The following TMTC2 variants were observed in gnomAD, a reference collection of about 807,000 sequenced individuals.
TMTC2 encodes the protein protein O-mannosyl-transferase TMTC2.
Under a neutral mutation model 82.4 loss-of-function variants are expected in TMTC2, and 43 were observed. The ratio of observed to expected loss-of-function variants is 0.52; its 90% CI spans 0.41 to 0.67. The LOEUF is 0.67. Ranked by LOEUF, TMTC2 falls within the 30% of genes least tolerant of loss-of-function variation. The pLI, the probability that TMTC2 is intolerant of heterozygous loss-of-function variation, is 0.00. For synonymous variants in TMTC2, 408 were observed against 381.9 expected (o/e 1.07, Z -0.80); for missense variants, 919 against 1,012.4 (o/e 0.91, Z 1.25).
At chr12:82,956,360 AG>A (rs1212014689) in intron 4 of TMTC2, among the ~76,000 whole-genome samples, 5 of 152,148 alleles carry the variant, frequency 3.3e-5, no homozygotes, top group African/African-American at 1.2e-4. Context: ...TGACACCCAC[AG>A]GCTCATAGTA....
intron 3 of TMTC2, among the ~76,000 whole-genome samples, chr12:82,900,619 T>G (rs529175568): frequency 1.2e-4 from 16 of 136,508 alleles, no homozygotes; most frequent in African/African-American, 3.1e-4. Context: ...GGAATATATA[T>G]AGAGAGGAAT....
At chr12:82,983,592 CTT>C (rs1269646667) in intron 7 of TMTC2, among the ~76,000 whole-genome samples, 6 of 151,988 alleles carry the variant, frequency 3.9e-5, no homozygotes, top group Non-Finnish European at 5.9e-5. Context: ...TCTTCACACT[CTT>C]TTTCTGTACA....
chr12:83,117,718 G>C lies in TMTC2; in HGVS notation c.2332-14492G>C, dbSNP rs578051000. Among the ~76,000 whole-genome samples the C allele has an allele frequency of 3.6e-4, 55 of 152,156 alleles. No homozygotes were observed. The South Asian group carries it at 0.011, about 32-fold the overall frequency. Reference sequence around the variant, plus strand: ...ATGATGTTGGTATTTTGATGGGGTTGCATTGAATTTGTAGATTGCTTTTGT... The same window carrying C: ...ATGATGTTGGTATTTTGATGGGGTTCCATTGAATTTGTAGATTGCTTTTGT... On this transcript the variant is annotated intron_variant, in intron 11 of 11. Coordinates refer to ENST00000321196, the MANE Select transcript of TMTC2 (RefSeq NM_152588.3).
At chr12:82,905,120 G>A (rs1283959760) in intron 3 of TMTC2, among the ~76,000 whole-genome samples, 1 of 151,702 alleles carries the variant, frequency 6.6e-6, no homozygotes, top group African/African-American at 2.4e-5. Flanking sequence ...GCCTATCTAT[G>A]AGGAACTTTT....
At chr12:82,965,438 A>T in intron 5 of TMTC2, 122 bp from the exon 6 acceptor site, 1 of 966,946 alleles carries the variant, frequency 1.0e-6, no homozygotes, top group Non-Finnish European at 1.5e-6. Context: ...TTTGTGTCAT[A>T]AGTATTTTTT....
intron 3 of TMTC2, among the ~76,000 whole-genome samples, chr12:82,903,792 A>T (rs1277083575): frequency 6.6e-6 from 1 of 152,214 alleles, no homozygotes; most frequent in South Asian, 2.1e-4. Context: ...TCAGTAATGG[A>T]TATGTTCAGT....
At chr12:83,071,286 C>T (rs1883105074) in intron 11 of TMTC2, among the ~76,000 whole-genome samples, 1 of 151,744 alleles carries the variant, frequency 6.6e-6, no homozygotes, top group African/African-American at 2.4e-5. Flanking sequence ...TCCTGAGTAG[C>T]TGGGACTACA....
intron 8 of TMTC2, chr12:82,986,298 TTA>T (rs1300437874): frequency 9.3e-6 from 4 of 428,616 alleles, no homozygotes; most frequent in Non-Finnish European, 1.7e-5. Flanking sequence ...TGTCTGTATC[TTA>T]CATCTTGGTC....
chr12:82,764,878 G>A (rs1398243804), intron 1 of TMTC2, among the ~76,000 whole-genome samples: 1 of 149,124 alleles, frequency 6.7e-6, no homozygotes, highest in Non-Finnish European at 1.5e-5. Flanking sequence ...AGACAAATAG[G>A]GCAGAGGAAA....
intron 1 of TMTC2, among the ~76,000 whole-genome samples, chr12:82,732,382 G>A (rs778935431): frequency 1.3e-5 from 2 of 151,318 alleles, no homozygotes; most frequent in Admixed American, 6.6e-5. Context: ...TTGTCCTGTC[G>A]CCCAGGCTGG....
chr12:82,948,246 TC>T (rs1158952582), intron 4 of TMTC2, among the ~76,000 whole-genome samples: 1 of 152,072 alleles, frequency 6.6e-6, no homozygotes, highest in Non-Finnish European at 1.5e-5. Context: ...ATGCCGATAG[TC>T]CCAGCTACTT....
At chr12:82,979,903 G>A (rs961971247) in intron 7 of TMTC2, among the ~76,000 whole-genome samples, 1 of 151,690 alleles carries the variant, frequency 6.6e-6, no homozygotes, top group Non-Finnish European at 1.5e-5. Context: ...TTTTCCTTCA[G>A]CACTTTGAAT....
intron 4 of TMTC2, among the ~76,000 whole-genome samples, chr12:82,944,398 C>T (rs1383537252): frequency 6.6e-6 from 1 of 151,850 alleles, no homozygotes; most frequent in African/African-American, 2.4e-5. Context: ...TCCTGGCTAA[C>T]ACGGTGAAAC....
intron 8 of TMTC2, among the ~76,000 whole-genome samples, chr12:82,992,674 T>C (rs1879450394): frequency 6.6e-6 from 1 of 152,170 alleles, no homozygotes; most frequent in African/African-American, 2.4e-5. Flanking sequence ...ATAATGAATC[T>C]GATAGTTCAT....
chr12:82,743,620 T>C (rs1446927114), intron 1 of TMTC2, among the ~76,000 whole-genome samples: 1 of 152,196 alleles, frequency 6.6e-6, no homozygotes, highest in Non-Finnish European at 1.5e-5. Context: ...AAACATTCCA[T>C]GTCCAATTTT....
intron 3 of TMTC2, among the ~76,000 whole-genome samples, chr12:82,928,911 G>A (rs12423678): frequency 6.6e-6 from 1 of 152,166 alleles, no homozygotes; most frequent in Non-Finnish European, 1.5e-5. Flanking sequence ...GTTCTCTGTA[G>A]ATAACATAAG....
chr12:82,923,725 T>G (rs1441732202), intron 3 of TMTC2, among the ~76,000 whole-genome samples: 1 of 152,204 alleles, frequency 6.6e-6, no homozygotes, highest in Admixed American at 6.5e-5. Flanking sequence ...TTTGAGTTTC[T>G]TAATAAATGA....
At chr12:82,829,315 A>G (rs1869622585) in intron 1 of TMTC2, among the ~76,000 whole-genome samples, 2 of 152,190 alleles carry the variant, frequency 1.3e-5, no homozygotes, top group Admixed American at 6.5e-5. Flanking sequence ...TGAAATTTGA[A>G]GAGGATTCGA....
chr12:82,713,066 T>C (rs1209227541), intron 1 of TMTC2, among the ~76,000 whole-genome samples: 1 of 152,152 alleles, frequency 6.6e-6, no homozygotes, highest in African/African-American at 2.4e-5. Flanking sequence ...ACACCTGTAA[T>C]CCCAGCACTT....
Sources: gnomAD v4.1 joint callset for allele counts (sites outside exome capture counted in the v4.1 genomes callset) on GRCh38, gnomAD v4.1.1 for gene constraint, MANE v1.5 for transcripts, NCBI Gene and HGNC (gene_info 2026-07-23, HGNC 2026-07-21) for gene names.